FCHSD2: variants seen among roughly 807,000 people sequenced by gnomAD.
The protein encoded by FCHSD2 is F-BAR and double SH3 domains protein 2.
In FCHSD2, 38 loss-of-function variants were observed where a neutral mutation model predicts 108.1. That is an observed-to-expected ratio of 0.35 (90% CI 0.27 to 0.46). The LOEUF (loss-of-function observed/expected upper bound fraction) is 0.46. FCHSD2 is among the 20% of genes least tolerant of loss of function. The pLI, the probability that FCHSD2 is intolerant of heterozygous loss-of-function variation, is 1.00. For synonymous variants in FCHSD2, 279 were observed against 314.7 expected, an observed-to-expected ratio of 0.89 and a Z score of 1.20; for missense variants, 751 against 897.8, an observed-to-expected ratio of 0.84 and a Z score of 2.09.
At chr11:72,945,279 A>T (rs1344306313) in intron 8 of FCHSD2, among the ~76,000 whole-genome samples, 1 of 152,242 alleles carries the variant, frequency 6.6e-6, no homozygotes, top group Admixed American at 6.5e-5. Flanking sequence ...GACAAACCTG[A>T]CAAAAACAAG....
intron 3 of FCHSD2, among the ~76,000 whole-genome samples, chr11:73,032,796 C>G (rs1043180920): frequency 3.9e-5 from 6 of 152,030 alleles, no homozygotes; most frequent in Non-Finnish European, 1.5e-5. Context: ...AAACTTCATA[C>G]AAGCTGGCAT....
At chr11:73,121,099 A>G (rs1860723935) in intron 2 of FCHSD2, among the ~76,000 whole-genome samples, 1 of 151,998 alleles carries the variant, frequency 6.6e-6, no homozygotes, top group African/African-American at 2.4e-5. Flanking sequence ...ATGTATTCCT[A>G]ATTTACTCAA....
At chr11:72,841,694 T>C in intron 17 of FCHSD2, 111 bp from the exon 18 acceptor site, 1 of 1,182,160 alleles carries the variant, frequency 8.5e-7, no homozygotes, top group Non-Finnish European at 1.2e-6. Flanking sequence ...AAGCTGATTG[T>C]TGAAACTTGT....
At chr11:73,107,741 C>G (rs754297389) in intron 2 of FCHSD2, among the ~76,000 whole-genome samples, 5 of 152,196 alleles carry the variant, frequency 3.3e-5, no homozygotes, top group South Asian at 2.1e-4. Context: ...ACATAATGAT[C>G]TCCAGTTCCA....
At position 72,851,527 on chromosome 11, in the gene FCHSD2, A is replaced by G. The variant is rs190026566; in HGVS notation, c.1309-1638T>C. 1.6e-3 allele frequency among the ~76,000 whole-genome samples: 243 copies of G among 152,138 alleles called. 3 individuals carry two copies. Among genetic ancestry groups the G allele is most frequent in the Admixed American group, 0.013 (202 of 15,272 alleles). ...AGGCCGAGGTGGGCGGATCACAAGGACAGGAGATCGAGATCATCCTGGCTA... is the reference window on the plus strand; with the variant it reads ...AGGCCGAGGTGGGCGGATCACAAGGGCAGGAGATCGAGATCATCCTGGCTA... On this transcript the variant is annotated intron_variant, in intron 13 of 19. Transcript: ENST00000409418.
Position 73,142,105 on chromosome 11 carries a change from C to CGGGCGGCCG in FCHSD2, c.-229_-228insCGGCCGCCC, listed in dbSNP as rs1565111452. On this transcript the variant is annotated 5_prime_UTR_variant, in exon 1 of 20. Transcript: ENST00000409418. ...AGGAGCACCGGGAAGGCTTGGGGCC[C>CGGGCGGCCG]GGGCGGCCCGGGCGGCCCGGGGGTG... The CGGGCGGCCG allele has an allele frequency of 1.8e-5, 7 of 395,462 alleles. No homozygotes were observed. The highest frequency in any genetic ancestry group is 9.4e-5 in the Admixed American group (2 of 21,370). 24.5% of individuals were successfully genotyped at this position (395,462 alleles called of 1,614,324 possible).
chr11:73,036,151 G>A (rs1858491541), intron 3 of FCHSD2, among the ~76,000 whole-genome samples: 2 of 152,134 alleles, frequency 1.3e-5, no homozygotes, highest in Non-Finnish European at 1.5e-5. Context: ...AGTAAAACTG[G>A]GATTAGAACA....
At chr11:73,049,557 A>C in intron 3 of FCHSD2, among the ~76,000 whole-genome samples, 1 of 133,490 alleles carries the variant, frequency 7.5e-6, no homozygotes, top group African/African-American at 2.8e-5. Context: ...GGGGGGAGGG[A>C]TAGCATTGGG....
intron 2 of FCHSD2, among the ~76,000 whole-genome samples, chr11:73,125,236 C>T (rs1860825228): frequency 1.3e-5 from 2 of 152,158 alleles, no homozygotes; most frequent in Non-Finnish European, 2.9e-5. Context: ...AAATATAAGA[C>T]TTTTTTCCTT....
At chr11:73,060,898 T>C (rs185907639) in intron 3 of FCHSD2, among the ~76,000 whole-genome samples, 38 of 152,266 alleles carry the variant, frequency 2.5e-4, no homozygotes, top group African/African-American at 7.7e-4. Flanking sequence ...CCAGGCACTA[T>C]AGTGAGATTC....
intron 3 of FCHSD2, among the ~76,000 whole-genome samples, chr11:73,017,397 G>C (rs1472927399): frequency 6.6e-6 from 1 of 152,108 alleles, no homozygotes; most frequent in Non-Finnish European, 1.5e-5. Flanking sequence ...TAACTAAAAA[G>C]AACACAATGC....
intron 8 of FCHSD2, among the ~76,000 whole-genome samples, chr11:72,950,371 T>A (rs1165201669): frequency 6.6e-6 from 1 of 152,206 alleles, no homozygotes; most frequent in Non-Finnish European, 1.5e-5. Flanking sequence ...TTTGGTTGCT[T>A]GTGTTTTTGG....
intron 3 of FCHSD2, among the ~76,000 whole-genome samples, chr11:73,026,887 C>T (rs561873753): frequency 2.6e-5 from 4 of 152,106 alleles, no homozygotes; most frequent in Admixed American, 2.0e-4. Context: ...GTAAGACATG[C>T]CTTGCTTTCC....
At chr11:73,090,471 C>T (rs1380087445) in intron 2 of FCHSD2, among the ~76,000 whole-genome samples, 12 of 152,004 alleles carry the variant, frequency 7.9e-5, no homozygotes, top group East Asian at 1.9e-4. Context: ...GTGATCCGCC[C>T]GCCTCGGCCT....
chr11:73,025,657 TTAAA>T (rs1320661840), intron 3 of FCHSD2, among the ~76,000 whole-genome samples: 3 of 152,118 alleles, frequency 2.0e-5, no homozygotes, highest in African/African-American at 4.8e-5. Context: ...AGTTTAAAAA[TTAAA>T]TAAATAGAAT....
intron 12 of FCHSD2, among the ~76,000 whole-genome samples, chr11:72,875,639 A>C (rs1441017872): frequency 6.6e-6 from 1 of 152,170 alleles, no homozygotes; most frequent in African/African-American, 2.4e-5. Context: ...CCCTAGCCCC[A>C]AAACTCCATT....
intron 2 of FCHSD2, among the ~76,000 whole-genome samples, chr11:73,108,041 T>G (rs1457016780): frequency 6.6e-6 from 1 of 152,282 alleles, no homozygotes; most frequent in Non-Finnish European, 1.5e-5. Context: ...CAACACTGTC[T>G]GAGGGTCCCC....
At chr11:73,015,372 TC>T (rs748938816) in intron 4 of FCHSD2, among the ~76,000 whole-genome samples, 15 of 152,134 alleles carry the variant, frequency 9.9e-5, no homozygotes, top group Non-Finnish European at 1.5e-4. Flanking sequence ...TTAGAAAGTT[TC>T]CCCCCTAGTC....
At chr11:73,026,915 A>G (rs1234267179) in intron 3 of FCHSD2, among the ~76,000 whole-genome samples, 2 of 152,096 alleles carry the variant, frequency 1.3e-5, no homozygotes, top group Non-Finnish European at 2.9e-5. Context: ...TTCTACCATG[A>G]TTTTAAGTTT....
Sources: gnomAD v4.1 joint callset for allele counts (sites outside exome capture counted in the v4.1 genomes callset) on GRCh38, gnomAD v4.1.1 for gene constraint, MANE v1.5 for transcripts, NCBI Gene and HGNC (gene_info 2026-07-23, HGNC 2026-07-21) for gene names.